The following SLC25A20 variants were observed in gnomAD, a reference collection of about 807,000 sequenced individuals.
SLC25A20 encodes solute carrier family 25 member 20.
In SLC25A20, 29 loss-of-function variants were observed where a neutral mutation model predicts 39.7. The ratio of observed to expected loss-of-function variants is 0.73; its 90% CI spans 0.54 to 1.00. The LOEUF is 1.00. SLC25A20 is among the 50% of genes least tolerant of loss of function. The probability of loss-of-function intolerance (pLI) is 0.00; values close to 1 mark genes in which losing one functional copy is unlikely to be tolerated. For synonymous variants in SLC25A20, 103 were observed against 142.2 expected, an observed-to-expected ratio of 0.72 and a Z score of 1.96; for missense variants, 333 against 379.9, an observed-to-expected ratio of 0.88 and a Z score of 1.03.
intron 4 of SLC25A20, among the ~76,000 whole-genome samples, chr3:48,862,963 A>C (rs2083638775): frequency 6.6e-6 from 1 of 152,170 alleles, no homozygotes; most frequent in African/African-American, 2.4e-5. Context: ...AGGCCGAGGC[A>C]GGCAGGTCGC....
intron 2 of SLC25A20, among the ~76,000 whole-genome samples, chr3:48,891,416 T>G (rs2083875511): frequency 6.6e-6 from 1 of 152,032 alleles, no homozygotes; most frequent in South Asian, 2.1e-4. Context: ...GTCACCCAGG[T>G]TGGAGTGCAG....
intron 3 of SLC25A20, 79 bp from the exon 4 acceptor site, chr3:48,879,527 A>G (rs917692672): frequency 7.5e-6 from 7 of 931,092 alleles, no homozygotes; most frequent in Non-Finnish European, 1.3e-5. Context: ...CAAAGAGGAC[A>G]GTTTTGTAAG....
intron 4 of SLC25A20, among the ~76,000 whole-genome samples, chr3:48,877,926 T>C (rs2083770655): frequency 6.6e-6 from 1 of 152,122 alleles, no homozygotes; most frequent in Admixed American, 6.6e-5. Flanking sequence ...TTTGTTATAA[T>C]GTACTAGTTC....
chr3:48,875,563 C>T (rs947349705), intron 4 of SLC25A20, among the ~76,000 whole-genome samples: 1 of 152,168 alleles, frequency 6.6e-6, no homozygotes, highest in Non-Finnish European at 1.5e-5. Context: ...GCGTGCACAA[C>T]CATACCTGGC....
chr3:48,879,478 C>T, intron 3 of SLC25A20, 30 bp from the exon 4 acceptor site: 1 of 1,486,094 alleles, frequency 6.7e-7, no homozygotes, highest in Non-Finnish European at 9.4e-7. Flanking sequence ...CAGAAGCAAG[C>T]ACCTGTGACT....
In SLC25A20 at chr3:48,858,582, C is replaced by A. The variant is rs1019705406; in HGVS notation, c.768G>T (p.Leu256=). Residue 256 remains leucine (L), a synonymous_variant, in exon 8 of 9, where the codon CTG becomes CTT. Coordinates refer to ENST00000319017, the MANE Select transcript of SLC25A20 (RefSeq NM_000387.6). ...AGGATGTGACTCCTTCATCCCGGAT[C>A]AGCTCCCTCAGCACATCTCTGAAAC... ...PNGFRDVLRE[L]IRDEGVTSLY... is the part of the protein sequence containing the mutation. 1.2e-6 allele frequency: 2 copies of A among 1,614,110 alleles called. No individual in the cohort carries two copies. The highest frequency in any genetic ancestry group is 2.7e-5 in the African/African-American group (2 of 74,938).
intron 3 of SLC25A20, among the ~76,000 whole-genome samples, chr3:48,883,454 G>A (rs550324018): frequency 2.4e-4 from 36 of 151,204 alleles, no homozygotes; most frequent in Non-Finnish European, 3.7e-4. Flanking sequence ...GGGAGGCTAA[G>A]ACAGGAGAAT....
intron 1 of SLC25A20, among the ~76,000 whole-genome samples, chr3:48,892,674 T>C (rs1216436927): frequency 6.6e-6 from 1 of 152,174 alleles, no homozygotes; most frequent in Admixed American, 6.6e-5. Context: ...AGCCTTTTGA[T>C]CTATTTAGGC....
At chr3:48,862,730 C>G in intron 4 of SLC25A20, 71 bp from the exon 5 acceptor site, 3 of 976,292 alleles carry the variant, frequency 3.1e-6, no homozygotes, top group Non-Finnish European at 5.0e-6. Flanking sequence ...CAGGAGACTA[C>G]AAAGTAAGTA....
chr3:48,871,982 ATTTTTTTTTTTTTTTTT>A (rs71077746), intron 4 of SLC25A20, among the ~76,000 whole-genome samples: 1 of 56,670 alleles, frequency 1.8e-5, no homozygotes, highest in Non-Finnish European at 3.1e-5. Context: ...TGCCCAGCTA[ATTTTTTTTTTTTTTTTT>A]TTTTTTTTTT....
intron 4 of SLC25A20, among the ~76,000 whole-genome samples, chr3:48,874,891 GC>G (rs1464922175): frequency 6.7e-6 from 1 of 149,562 alleles, no homozygotes; most frequent in Non-Finnish European, 1.5e-5. Context: ...CACCACCACA[GC>G]CCCCATCTCT....
At chr3:48,891,817 A>C (rs1218639737) in intron 2 of SLC25A20, among the ~76,000 whole-genome samples, 163 bp downstream of exon 2, 3 of 152,180 alleles carry the variant, frequency 2.0e-5, no homozygotes, top group African/African-American at 7.2e-5. Flanking sequence ...GAGACTCCAA[A>C]GCAGATGACA....
At chr3:48,877,195 A>C (rs2083765202) in intron 4 of SLC25A20, among the ~76,000 whole-genome samples, 1 of 151,882 alleles carries the variant, frequency 6.6e-6, no homozygotes, top group South Asian at 2.1e-4. Flanking sequence ...CAGGCGGATC[A>C]CCTGAGGTCA....
At chr3:48,858,726 C>CT in intron 7 of SLC25A20, 95 bp from the exon 8 acceptor site, 1 of 1,499,298 alleles carries the variant, frequency 6.7e-7, no homozygotes, top group Non-Finnish European at 9.3e-7. Context: ...GAAAGGACAC[C>CT]TTGCAGGTCA....
At chr3:48,867,741 C>A (rs866699233) in intron 4 of SLC25A20, among the ~76,000 whole-genome samples, 6 of 150,966 alleles carry the variant, frequency 4.0e-5, no homozygotes, top group Admixed American at 4.0e-4. Context: ...TGGGATCAAG[C>A]GGAAGCACAG....
intron 4 of SLC25A20, among the ~76,000 whole-genome samples, chr3:48,876,416 T>C (rs2083757768): frequency 6.6e-6 from 1 of 151,388 alleles, no homozygotes; most frequent in South Asian, 2.1e-4. Flanking sequence ...TGTTTTTCTG[T>C]TTTGTTTTGT....
rs75285078 is a variant in SLC25A20, at chr3:48,857,133, A to T, written c.*577T>A. The T allele has an allele frequency of 4.8e-5, 7 of 147,094 alleles. No homozygotes were observed. Among genetic ancestry groups the T allele is most frequent in the African/African-American group, 1.5e-4 (6 of 40,104 alleles). 9.1% of individuals were successfully genotyped at this position (147,094 alleles called of 1,614,324 possible). Reference sequence around the variant, plus strand: ...TTTACTTTTGATTATTTGCAGGCATAAAAAAAAAAAATCAAAATCCAACGA... The same window carrying T: ...TTTACTTTTGATTATTTGCAGGCATTAAAAAAAAAAATCAAAATCCAACGA... On this transcript the variant is annotated 3_prime_UTR_variant, in exon 9 of 9. Transcript: ENST00000319017.
intron 1 of SLC25A20, among the ~76,000 whole-genome samples, chr3:48,896,695 T>C (rs2106670491): frequency 6.6e-6 from 1 of 151,866 alleles, no homozygotes; most frequent in South Asian, 2.1e-4. Flanking sequence ...TTTTTGTATT[T>C]TTAGTAGAGA....
rs2083588007 is a variant in SLC25A20, at chr3:48,857,390, CTG to C, written c.*318_*319del. ...CTCTCTTTAATGAGGAATACTTTGACTGTGGTAGGACCAGCAGTTAACTGGTA... is the reference window on the plus strand; with the variant it reads ...CTCTCTTTAATGAGGAATACTTTGACTGGTAGGACCAGCAGTTAACTGGTA... On this transcript the variant is annotated 3_prime_UTR_variant, in exon 9 of 9. Coordinates refer to ENST00000319017, the MANE Select transcript of SLC25A20 (RefSeq NM_000387.6). The C allele has an allele frequency of 1.7e-5, 6 of 359,464 alleles. No individual in the cohort carries two copies. In the East Asian group the frequency reaches 3.7e-4, roughly 22 times the overall value. 22.3% of individuals were successfully genotyped at this position (359,464 alleles called of 1,614,324 possible).
Sources: gnomAD v4.1 joint callset for allele counts (sites outside exome capture counted in the v4.1 genomes callset) on GRCh38, gnomAD v4.1.1 for gene constraint, MANE v1.5 for transcripts, NCBI Gene and HGNC (gene_info 2026-07-23, HGNC 2026-07-21) for gene names.